DOCK1: variants seen among roughly 807,000 people sequenced by gnomAD.
DOCK1 encodes the protein dedicator of cytokinesis protein 1.
In DOCK1, 138 loss-of-function variants were observed where a neutral mutation model predicts 262.7. That is an observed-to-expected ratio of 0.53 (90% CI 0.46 to 0.61). The LOEUF is 0.61. Ranked by LOEUF, DOCK1 falls within the 20% of genes least tolerant of loss-of-function variation. The pLI, the probability that DOCK1 is intolerant of heterozygous loss-of-function variation, is 0.00. For synonymous variants in DOCK1, 866 were observed against 867.4 expected (o/e 1.00, Z 0.03); for missense variants, 1,908 against 2,370.7 (o/e 0.80, Z 4.05).
At chr10:127,084,016 C>G (rs1411574486) in intron 23 of DOCK1, among the ~76,000 whole-genome samples, 1 of 152,174 alleles carries the variant, frequency 6.6e-6, no homozygotes, top group African/African-American at 2.4e-5. Flanking sequence ...TGTAATGGGT[C>G]TAAATCCTTC....
rs771280740 is a variant in DOCK1 at position 126,969,599 on chromosome 10, C to T, written c.47-1103C>T. ...GTGGTGCCAGGGCTGTTTGGAGGAGCGGAGTTAAAAGATCAAACACAGACT... is the reference window on the plus strand; with the variant it reads ...GTGGTGCCAGGGCTGTTTGGAGGAGTGGAGTTAAAAGATCAAACACAGACT... On this transcript the variant is annotated intron_variant, in intron 1 of 51. Transcript: ENST00000623213. Among the ~76,000 whole-genome samples the T allele has an allele frequency of 2.0e-4, 31 of 152,192 alleles. 1 individual carries two copies. The highest frequency in any genetic ancestry group is 6.0e-4 in the African/African-American group (25 of 41,544).
At chr10:127,267,640 C>T (rs948135891) in intron 29 of DOCK1, among the ~76,000 whole-genome samples, 1 of 152,200 alleles carries the variant, frequency 6.6e-6, no homozygotes, top group African/African-American at 2.4e-5. Flanking sequence ...GTCGGGAGTG[C>T]CTGGCTGGTA....
intron 29 of DOCK1, among the ~76,000 whole-genome samples, chr10:127,273,558 T>C (rs887761296): frequency 6.6e-6 from 1 of 152,224 alleles, no homozygotes; most frequent in Non-Finnish European, 1.5e-5. Context: ...CATCTGATGC[T>C]GTAGCATACT....
At chr10:127,419,193 G>A (rs1164530993) in intron 45 of DOCK1, among the ~76,000 whole-genome samples, 1 of 152,186 alleles carries the variant, frequency 6.6e-6, no homozygotes, top group Non-Finnish European at 1.5e-5. Context: ...AAAAAAGCTT[G>A]TTGACCCCTG....
At chr10:127,412,019 G>A (rs2067883182) in intron 43 of DOCK1, among the ~76,000 whole-genome samples, 2 of 151,812 alleles carry the variant, frequency 1.3e-5, no homozygotes, top group Non-Finnish European at 1.5e-5. Flanking sequence ...CTGGAATGCA[G>A]TGCCATGATC....
At chr10:127,388,258 C>CAGAATGAGGCCTTGAATCCTCCTAA (rs1205316282) in intron 38 of DOCK1, among the ~76,000 whole-genome samples, 3 of 152,152 alleles carry the variant, frequency 2.0e-5, no homozygotes, top group African/African-American at 7.2e-5. Flanking sequence ...GGCCTTGAAT[C>CAGAATGAGGCCTTGAATCCTCCTAA]AGAATGAGTT....
chr10:127,355,736 GA>G (rs2064114603), intron 32 of DOCK1, among the ~76,000 whole-genome samples: 1 of 152,188 alleles, frequency 6.6e-6, no homozygotes, highest in African/African-American at 2.4e-5. Flanking sequence ...CCAGGGTTGG[GA>G]CAACTTAGCT....
intron 33 of DOCK1, among the ~76,000 whole-genome samples, chr10:127,368,626 G>A (rs760921674): frequency 2.0e-5 from 3 of 152,100 alleles, no homozygotes; most frequent in African/African-American, 4.8e-5. Context: ...ATGTGGAGAG[G>A]CATTGGGGTC....
At position 127,437,103 on chromosome 10, in the gene DOCK1, G is replaced by C. The variant is rs1170381492; in HGVS notation, c.5061-1924G>C. 1.3e-5 allele frequency among the ~76,000 whole-genome samples: 2 copies of C among 152,316 alleles called. No individual in the cohort carries two copies. The highest frequency in any genetic ancestry group is 2.1e-4 in the South Asian group (1 of 4,816). On this transcript the variant is annotated intron_variant, in intron 48 of 51. Transcript: ENST00000623213. This position sits in a 1 kb window ranked among gnomAD's most constrained non-coding sequence, Gnocchi z 4.4. ...GTGGTTGAATCTAGCGATTTGATCA[G>C]ATTCAGATTTGATTTAGGGACAAGA... is the stretch of plus-strand genomic sequence containing the variant.
chr10:127,203,240 G>A (rs996224718), intron 27 of DOCK1, among the ~76,000 whole-genome samples: 1 of 152,152 alleles, frequency 6.6e-6, no homozygotes, highest in African/African-American at 2.4e-5. Context: ...TAATGGCATC[G>A]TATTACCATG....
chr10:127,175,548 G>A lies in DOCK1; in HGVS notation c.2847+47784G>A, dbSNP rs371917458. The A allele has an allele frequency of 4.4e-5, 71 of 1,611,260 alleles. No homozygotes were observed. Among genetic ancestry groups the A allele is most frequent in the East Asian group, 2.5e-4 (11 of 44,870 alleles). On this transcript the variant is annotated intron_variant, in intron 27 of 51. Coordinates refer to ENST00000623213, the MANE Select transcript of DOCK1 (RefSeq NM_001290223.2). This position sits in a 1 kb window ranked among gnomAD's most constrained non-coding sequence, Gnocchi z 6.3. ...GGCTCTCCTCCGCTCGTCATCTGCCGGGCAGAGTGACCACTGGCTGGCGGC... is the reference window on the plus strand; with the variant it reads ...GGCTCTCCTCCGCTCGTCATCTGCCAGGCAGAGTGACCACTGGCTGGCGGC...
At chr10:126,979,000 T>C (rs1209368787) in intron 3 of DOCK1, among the ~76,000 whole-genome samples, 1 of 152,220 alleles carries the variant, frequency 6.6e-6, no homozygotes, top group Non-Finnish European at 1.5e-5. Context: ...GGCACAGTCA[T>C]GTCTAATGTG....
chr10:127,200,445 A>G (rs1437889481), intron 27 of DOCK1, among the ~76,000 whole-genome samples: 1 of 152,080 alleles, frequency 6.6e-6, no homozygotes, highest in Admixed American at 6.5e-5. Flanking sequence ...TGTTTTGGAG[A>G]CAGAGTTTCG....
chr10:127,372,330 G>A (rs1362264513), intron 33 of DOCK1, among the ~76,000 whole-genome samples: 4 of 152,114 alleles, frequency 2.6e-5, no homozygotes, highest in African/African-American at 9.7e-5. Flanking sequence ...CTCCTGCAGG[G>A]GCATCCCCAA....
intron 29 of DOCK1, among the ~76,000 whole-genome samples, chr10:127,328,214 G>A (rs963155439): frequency 6.6e-6 from 1 of 151,838 alleles, no homozygotes. Flanking sequence ...TGATTGCAGT[G>A]TCCATAGCAG....
intron 35 of DOCK1, among the ~76,000 whole-genome samples, chr10:127,378,345 C>T (rs1053916347): frequency 7.2e-5 from 11 of 152,188 alleles, no homozygotes; most frequent in African/African-American, 2.7e-4. Flanking sequence ...GGGGGCCGGT[C>T]CCAATGGGGT....
chr10:126,960,082 G>A (rs1199979918), intron 1 of DOCK1, among the ~76,000 whole-genome samples: 2 of 152,148 alleles, frequency 1.3e-5, no homozygotes, highest in Non-Finnish European at 2.9e-5. Flanking sequence ...ACGAGCCACC[G>A]CATTTATTTG....
rs2070974567 is a variant in DOCK1 at position 127,451,566 on chromosome 10, G to A, written c.*139G>A. ...GTGCGACTGCTTTTTCTTCAAAGGA[G>A]TTCAGTTCTCACCATGGAGTGAGTG... is the stretch of plus-strand genomic sequence containing the variant. On this transcript the variant is annotated 3_prime_UTR_variant, in exon 52 of 52. Coordinates refer to ENST00000623213, the MANE Select transcript of DOCK1 (RefSeq NM_001290223.2). 1.3e-6 allele frequency: 2 copies of A among 1,501,974 alleles called. No individual in the cohort carries two copies. Among genetic ancestry groups the A allele is most frequent in the African/African-American group, 1.4e-5 (1 of 72,334 alleles). The allele number at this position is 1,501,974 out of a possible 1,614,324, so 93.0% of individuals were successfully genotyped here. A position where few individuals can be genotyped will look rare whatever the true frequency, so the allele number is the denominator to read the frequency against.
In DOCK1 at chr10:127,027,469, T is replaced by C. The variant is rs2042947741; in HGVS notation, c.1624+1045T>C. Among the ~76,000 whole-genome samples the C allele has an allele frequency of 4.6e-5, 7 of 152,230 alleles. No homozygotes were observed. In the South Asian group the frequency reaches 1.5e-3, roughly 32 times the overall value. ...CTGGTGTGATGGTATACCTGTAGTC[T>C]CAGCTGCTCAGGAGGCTGAGGCAGG... On this transcript the variant is annotated intron_variant, in intron 16 of 51. Transcript: ENST00000623213.
Sources: allele counts gnomAD v4.1 joint callset (sites outside exome capture counted in the v4.1 genomes callset), GRCh38; gene constraint gnomAD v4.1.1; non-coding constraint Gnocchi (gnomAD v3.1); transcripts MANE v1.5; gene names NCBI Gene and HGNC (gene_info 2026-07-23, HGNC 2026-07-21).